Variants in RBFOX1 observed in about 807,000 individuals in gnomAD.
RBFOX1 encodes the protein RNA binding fox-1 homolog 1, also known as RNA binding protein fox-1 homolog 1.
A neutral mutation model predicts 57.7 loss-of-function variants in RBFOX1; 8 were observed. The ratio of observed to expected loss-of-function variants is 0.14; its 90% CI spans 0.08 to 0.25. RBFOX1 has a LOEUF of 0.25. Ranked by LOEUF, RBFOX1 falls within the 10% of genes least tolerant of loss-of-function variation. RBFOX1 has a pLI of 1.00. For synonymous variants in RBFOX1, 326 were observed against 222.4 expected (o/e 1.47, Z -4.15); for missense variants, 611 against 548.5 (o/e 1.11, Z -1.14).
chr16:6,201,181 C>G (rs1335588390), intron 1 of RBFOX1, among the ~76,000 whole-genome samples: 1 of 152,090 alleles, frequency 6.6e-6, no homozygotes, highest in Non-Finnish European at 1.5e-5. Context: ...ATCTATGGTA[C>G]CACAGTGGCT....
At chr16:6,000,810 T>C (rs1458268079) in intron 4 of RBFOX1, among the ~76,000 whole-genome samples, 1 of 128,794 alleles carries the variant, frequency 7.8e-6, no homozygotes, top group Non-Finnish European at 1.6e-5. Context: ...GTTAGGTGGG[T>C]GGATGAGTTG....
intron 2 of RBFOX1, among the ~76,000 whole-genome samples, chr16:6,648,549 C>G (rs933710792): frequency 1.3e-5 from 2 of 152,120 alleles, no homozygotes; most frequent in Admixed American, 6.6e-5. Flanking sequence ...TGGAATTACC[C>G]GCAGCCCTGT....
intron 3 of RBFOX1, among the ~76,000 whole-genome samples, chr16:7,001,314 A>G (rs888291777): frequency 1.2e-4 from 18 of 151,832 alleles, no homozygotes; most frequent in African/African-American, 1.7e-4. Flanking sequence ...TTCCTGGTCA[A>G]CTTATGTATT....
chr16:6,007,469 C>T (rs999897082), intron 4 of RBFOX1, among the ~76,000 whole-genome samples: 4 of 152,150 alleles, frequency 2.6e-5, no homozygotes, highest in African/African-American at 9.7e-5. Flanking sequence ...GATGAAACTG[C>T]AGCCACAGTT....
intron 3 of RBFOX1, among the ~76,000 whole-genome samples, chr16:6,907,714 G>T (rs67887721): frequency 0.076 from 11,534 of 152,174 alleles, 516 homozygotes; most frequent in South Asian, 0.15. Flanking sequence ...GGGATTACAG[G>T]CATGCACCAC....
At chr16:7,089,770 T>C (rs1419193844) in intron 4 of RBFOX1, among the ~76,000 whole-genome samples, 1 of 152,344 alleles carries the variant, frequency 6.6e-6, no homozygotes. Flanking sequence ...CCTCAATTTC[T>C]ATTTTCTTCT....
At chr16:5,335,371 G>A (rs1271517455) in intron 1 of RBFOX1, among the ~76,000 whole-genome samples, 1 of 152,180 alleles carries the variant, frequency 6.6e-6, no homozygotes, top group African/African-American at 2.4e-5. Context: ...GCTTTTAGGA[G>A]TTCAGATTCA....
intron 13 of RBFOX1, among the ~76,000 whole-genome samples, chr16:7,669,003 C>T (rs1036645218): frequency 6.6e-6 from 1 of 152,182 alleles, no homozygotes; most frequent in Non-Finnish European, 1.5e-5. Context: ...TTCCAGGGTT[C>T]AAGGGACTCT....
Position 6,926,630 on chromosome 16 carries a change from G to A in RBFOX1, c.-15-125427G>A, listed in dbSNP as rs147682396. 3.5e-4 allele frequency among the ~76,000 whole-genome samples: 54 copies of A among 152,292 alleles called. No homozygotes were observed. The Middle Eastern group carries it at 0.014, about 39-fold the overall frequency. The stretch of plus-strand genomic sequence containing the variant: ...GCTGTCTCCTCCCTTTGTCTTGAAG[G>A]TGTAGAAGACACAGCTTTGCGGGCT... On this transcript the variant is annotated intron_variant, in intron 3 of 15. Coordinates refer to ENST00000550418, the MANE Select transcript of RBFOX1 (RefSeq NM_018723.4).
rs202156296 is a variant in RBFOX1, at chr16:6,073,789, A to AT, written c.-127+53798dup. On this transcript the variant is annotated intron_variant, in intron 1 of 15. Coordinates refer to ENST00000550418, the MANE Select transcript of RBFOX1 (RefSeq NM_018723.4). ...TTTGAAGCAGAACCATAAAAGGTAT[A>AT]TATTTTTTTTATTTGATAGGGCTCT... is the stretch of plus-strand genomic sequence containing the variant. Among the ~76,000 whole-genome samples, 159 of 147,502 alleles carry AT rather than the reference A, an allele frequency of 1.1e-3. No individual in the cohort carries two copies. In the Middle Eastern group the frequency reaches 0.011, roughly 10 times the overall value.
intron 1 of RBFOX1, among the ~76,000 whole-genome samples, chr16:5,304,850 C>T (rs1398135096): frequency 6.6e-6 from 1 of 152,054 alleles, no homozygotes; most frequent in Non-Finnish European, 1.5e-5. Context: ...TCCCCCAAAA[C>T]AATATAGAGA....
At chr16:7,268,891 G>T (rs2095246313) in intron 4 of RBFOX1, among the ~76,000 whole-genome samples, 1 of 151,772 alleles carries the variant, frequency 6.6e-6, no homozygotes, top group Middle Eastern at 3.4e-3. Flanking sequence ...ACAAAAATTA[G>T]CCAAGCGTGG....
chr16:7,320,501 C>T (rs2096527286), intron 4 of RBFOX1, among the ~76,000 whole-genome samples: 1 of 152,098 alleles, frequency 6.6e-6, no homozygotes. Flanking sequence ...GTGTTGATTC[C>T]ATGTCTTTGC....
At chr16:7,083,820 A>G (rs117748357) in intron 4 of RBFOX1, among the ~76,000 whole-genome samples, 1,630 of 152,190 alleles carry the variant, frequency 0.011, 15 homozygotes, top group Non-Finnish European at 0.016. Context: ...GCTTTCAGGT[A>G]CACATAGTGC....
chr16:7,425,455 G>C (rs1316551657), intron 4 of RBFOX1, among the ~76,000 whole-genome samples: 1 of 152,128 alleles, frequency 6.6e-6, no homozygotes, highest in East Asian at 1.9e-4. Flanking sequence ...AATTTCAAAG[G>C]ATGGAAACCC....
intron 4 of RBFOX1, among the ~76,000 whole-genome samples, chr16:7,059,907 G>A (rs1311906104): frequency 2.0e-5 from 3 of 152,106 alleles, no homozygotes; most frequent in Non-Finnish European, 4.4e-5. Context: ...CTGTTTCTAT[G>A]AAAACTAAAT....
rs546302204 is a variant in RBFOX1 at position 5,449,247 on chromosome 16, C to T, written c.220-17969C>T. ...AGTTGCTCTGTAATTGGCCTTTCCT[C>T]TTCCTGAAATGCTTCCCCTGCCCTG... On this transcript the variant is annotated intron_variant, in intron 1 of 2. Coordinates refer to the RBFOX1 transcript ENST00000585867. Among the ~76,000 whole-genome samples the T allele has an allele frequency of 7.2e-5, 11 of 152,270 alleles. No homozygotes were observed. In the East Asian group the frequency reaches 1.5e-3, roughly 21 times the overall value.
intron 3 of RBFOX1, among the ~76,000 whole-genome samples, chr16:6,688,675 C>T (rs1251356544): frequency 2.0e-5 from 3 of 152,108 alleles, no homozygotes; most frequent in East Asian, 1.9e-4. Flanking sequence ...TTCTGGGATA[C>T]ATGTGCAGCA....
intron 4 of RBFOX1, among the ~76,000 whole-genome samples, chr16:7,434,784 G>T (rs1270033842): frequency 6.6e-6 from 1 of 151,580 alleles, no homozygotes; most frequent in East Asian, 1.9e-4. Context: ...GGATCAGCCA[G>T]GCTGGAGTGC....
Sources: allele counts gnomAD v4.1 joint callset (sites outside exome capture counted in the v4.1 genomes callset), GRCh38; gene constraint gnomAD v4.1.1; transcripts MANE v1.5; gene names NCBI Gene and HGNC (gene_info 2026-07-23, HGNC 2026-07-21).